The following SH3D19 variants were observed in gnomAD, a reference collection of about 807,000 sequenced individuals.
The protein encoded by SH3D19 is SH3 domain-containing protein 19.
SH3D19 carries 58 observed loss-of-function variants against 112.1 expected under a neutral mutation model. The ratio of observed to expected loss-of-function variants is 0.52; its 90% CI spans 0.42 to 0.64. SH3D19 has a LOEUF of 0.64. SH3D19 is among the 30% of genes least tolerant of loss of function. The pLI, the probability that SH3D19 is intolerant of heterozygous loss-of-function variation, is 0.00. For synonymous variants in SH3D19, 391 were observed against 448.5 expected, an observed-to-expected ratio of 0.87 and a Z score of 1.62; for missense variants, 1,090 against 1,263.4, an observed-to-expected ratio of 0.86 and a Z score of 2.08.
At chr4:151,165,809 G>A in intron 7 of SH3D19, 113 bp from the exon 8 acceptor site, 1 of 820,244 alleles carries the variant, frequency 1.2e-6, no homozygotes, top group Admixed American at 2.7e-5. Flanking sequence ...AACTATTCAT[G>A]GATAAACAAA....
intron 1 of SH3D19, among the ~76,000 whole-genome samples, chr4:151,306,990 T>G (rs975118923): frequency 1.3e-5 from 2 of 151,540 alleles, no homozygotes; most frequent in Non-Finnish European, 2.9e-5. Context: ...AAGCAGCAGC[T>G]GCTGCAATCA....
intron 1 of SH3D19, among the ~76,000 whole-genome samples, chr4:151,237,441 T>C (rs74629563): frequency 2.0e-5 from 3 of 152,206 alleles, no homozygotes. Context: ...TGTCTACTAC[T>C]GGGGTGTGCC....
chr4:151,188,740 A>G (rs1001992993), intron 2 of SH3D19, among the ~76,000 whole-genome samples: 3 of 152,212 alleles, frequency 2.0e-5, no homozygotes, highest in Non-Finnish European at 4.4e-5. Flanking sequence ...AGATGTATTG[A>G]TTGGGGTGGA....
chr4:151,136,555 C>T (rs12507657), intron 14 of SH3D19, among the ~76,000 whole-genome samples: 131,589 of 152,222 alleles, frequency 0.86, 57,648 homozygotes, highest in Non-Finnish European at 0.95. Context: ...ACTTAAAGCT[C>T]GAGGTTTATA....
chr4:151,281,850 G>A (rs1774266655), intron 1 of SH3D19, among the ~76,000 whole-genome samples: 1 of 152,100 alleles, frequency 6.6e-6, no homozygotes, highest in Admixed American at 6.6e-5. Context: ...TAAGCATACA[G>A]GTGATGGCTG....
intron 1 of SH3D19, chr4:151,283,218 C>T (rs199593688): frequency 4.2e-5 from 68 of 1,613,740 alleles, no homozygotes; most frequent in Non-Finnish European, 5.7e-5. Flanking sequence ...CTTGCCAGCA[C>T]TGGAGCCAGT....
intron 1 of SH3D19, among the ~76,000 whole-genome samples, chr4:151,269,609 T>C (rs2149996279): frequency 6.6e-6 from 1 of 152,268 alleles, no homozygotes; most frequent in Admixed American, 6.5e-5. Flanking sequence ...CATCTAAGTG[T>C]ATTTTTAAAA....
intron 7 of SH3D19, among the ~76,000 whole-genome samples, chr4:151,171,944 A>AG (rs775451305): frequency 4.6e-5 from 7 of 152,124 alleles, no homozygotes; most frequent in Admixed American, 6.5e-5. Flanking sequence ...CTGTTTTATG[A>AG]GTTTTTATTT....
At chr4:151,317,586 T>C (rs1730112157) in intron 1 of SH3D19, among the ~76,000 whole-genome samples, 1 of 152,138 alleles carries the variant, frequency 6.6e-6, no homozygotes, top group Non-Finnish European at 1.5e-5. Flanking sequence ...TAAAAATAGG[T>C]CATAGGCTGA....
At position 151,244,625 on chromosome 4, in the gene SH3D19, A is replaced by G. The variant is rs189203232; in HGVS notation, c.113-18539T>C. ...TATAGTCAGAGACCACAGTGTGTAC[A>G]GTCAAGTGAAATGTACATTCTGAGA... On this transcript the variant is annotated intron_variant, in intron 1 of 19. Transcript: ENST00000604030. Among the ~76,000 whole-genome samples the G allele has an allele frequency of 9.7e-4, 148 of 152,368 alleles. 1 individual carries two copies. The highest frequency in any genetic ancestry group is 3.5e-3 in the African/African-American group (144 of 41,590).
At chr4:151,263,756 G>C (rs1772555657) in intron 1 of SH3D19, among the ~76,000 whole-genome samples, 1 of 151,738 alleles carries the variant, frequency 6.6e-6, no homozygotes, top group African/African-American at 2.4e-5. Flanking sequence ...CCAAGACAGA[G>C]CAATAGAGAA....
chr4:151,226,481 C>T, intron 1 of SH3D19: 1 of 988,940 alleles, frequency 1.0e-6, no homozygotes, highest in Non-Finnish European at 1.2e-6. Context: ...GCAGAAGCTT[C>T]TAACAGAATG....
At chr4:151,256,212 G>T (rs956378207) in intron 1 of SH3D19, among the ~76,000 whole-genome samples, 1 of 152,104 alleles carries the variant, frequency 6.6e-6, no homozygotes, top group Non-Finnish European at 1.5e-5. Context: ...CTTCTAAATA[G>T]GGGGATATGA....
At chr4:151,148,508 G>A (rs1257676511) in intron 10 of SH3D19, among the ~76,000 whole-genome samples, 1 of 152,054 alleles carries the variant, frequency 6.6e-6, no homozygotes, top group Non-Finnish European at 1.5e-5. Flanking sequence ...AACACATCAT[G>A]ACTATTTCTG....
intron 19 of SH3D19, among the ~76,000 whole-genome samples, chr4:151,123,053 T>C (rs1748375440): frequency 6.6e-6 from 1 of 152,174 alleles, no homozygotes; most frequent in African/African-American, 2.4e-5. Context: ...GGTTTCACCA[T>C]GTTGGCCAGG....
At chr4:151,214,398 G>A (rs1286978309) in intron 2 of SH3D19, among the ~76,000 whole-genome samples, 1 of 83,070 alleles carries the variant, frequency 1.2e-5, no homozygotes, top group African/African-American at 3.1e-5. Context: ...CCTCCCAGAC[G>A]GGGTGGTGGC....
chr4:151,197,156 G>A (rs1159500967), intron 2 of SH3D19, among the ~76,000 whole-genome samples: 3 of 151,962 alleles, frequency 2.0e-5, no homozygotes, highest in Non-Finnish European at 4.4e-5. Flanking sequence ...TATCTACCTA[G>A]GTATCACACA....
chr4:151,175,388 A>G lies in SH3D19; in HGVS notation c.816T>C (p.Ala272=). The part of the protein sequence containing the change: ...PGRPQSLLDN[A]STSDSQAVMN... ...TCACTGCCTGACTGTCTGAGGTGCT[A>G]GCGTTGTCCAGCAGAGACTGGGGCC... The change falls in exon 7 of 20, where the codon GCT becomes GCC. Residue 272 remains alanine, a synonymous_variant. Coordinates refer to ENST00000604030, the MANE Select transcript of SH3D19 (RefSeq NM_001378122.1). The G allele has an allele frequency of 6.3e-7, 1 of 1,577,560 alleles. No individual in the cohort carries two copies. Among genetic ancestry groups the G allele is most frequent in the Non-Finnish European group, 8.6e-7 (1 of 1,162,046 alleles).
intron 2 of SH3D19, among the ~76,000 whole-genome samples, chr4:151,210,317 T>C (rs1024863180): frequency 3.3e-5 from 5 of 152,004 alleles, no homozygotes; most frequent in Non-Finnish European, 7.4e-5. Flanking sequence ...GTATACTACA[T>C]GATGAAATGC....
Sources: gnomAD v4.1 joint callset for allele counts (sites outside exome capture counted in the v4.1 genomes callset) on GRCh38, gnomAD v4.1.1 for gene constraint, MANE v1.5 for transcripts, NCBI Gene and HGNC (gene_info 2026-07-23, HGNC 2026-07-21) for gene names.